Variants in PECAM1 observed in about 807,000 individuals in gnomAD.
PECAM1 encodes the protein platelet and endothelial cell adhesion molecule 1, also known as platelet endothelial cell adhesion molecule.
Under a neutral mutation model 13.8 loss-of-function variants are expected in PECAM1, and 8 were observed. That is an observed-to-expected ratio of 0.58 (90% CI 0.34 to 1.05). The LOEUF (loss-of-function observed/expected upper bound fraction) is 1.05. PECAM1 is among the 50% of genes least tolerant of loss of function. The pLI is 0.03. For synonymous variants in PECAM1, 136 were observed against 52.6 expected (o/e 2.58, Z -6.86); for missense variants, 304 against 141.2 (o/e 2.15, Z -5.84).
Position 64,376,662 on chromosome 17 carries a change from T to C in PECAM1, c.385+1162A>G, listed in dbSNP as rs1020769221. Among the ~76,000 whole-genome samples, 176 of 152,232 alleles carry C rather than the reference T, an allele frequency of 1.2e-3. 1 individual carries two copies. The highest frequency in any genetic ancestry group is 3.9e-3 in the African/African-American group (164 of 41,556). On this transcript the variant is annotated intron_variant, in intron 3 of 15. Transcript: ENST00000563924. ...GAGCAGACAGATGTGTAAGAATGGA[T>C]GGCAATACTGAGTGAAATAGAATAT...
chr17:64,322,066 A>C lies in PECAM1; in HGVS notation c.*1750T>G. On this transcript the variant is annotated 3_prime_UTR_variant, in exon 16 of 16. Coordinates refer to ENST00000563924, the MANE Select transcript of PECAM1 (RefSeq NM_000442.5). ...TTGGGGAAAGGAACCAACAGCTTTC[A>C]TCATATTGTCAAAAGAGTCTAGGCT... 1.7e-6 allele frequency: 2 copies of C among 1,144,278 alleles called. No homozygotes were observed. Among genetic ancestry groups the C allele is most frequent in the Non-Finnish European group, 2.2e-6 (2 of 911,002 alleles). The allele number at this position is 1,144,278 out of a possible 1,614,324, so 70.9% of individuals were successfully genotyped here. A position where few individuals can be genotyped will look rare whatever the true frequency, so the allele number is the denominator to read the frequency against.
intron 4 of PECAM1, among the ~76,000 whole-genome samples, chr17:64,374,793 A>AC (rs1185375402): frequency 1.3e-5 from 2 of 150,700 alleles, no homozygotes; most frequent in Admixed American, 6.6e-5. Context: ...CAAAAAAAAA[A>AC]CCCCAAAAAC....
intron 7 of PECAM1, among the ~76,000 whole-genome samples, chr17:64,358,187 T>C (rs2035890672): frequency 6.9e-6 from 1 of 144,278 alleles, no homozygotes; most frequent in African/African-American, 2.5e-5. Context: ...GGCACGATCT[T>C]GGCTCACTGC....
At chr17:64,353,324 C>T (rs1211387948) in intron 10 of PECAM1, among the ~76,000 whole-genome samples, 167 bp downstream of exon 10, 2 of 151,660 alleles carry the variant, frequency 1.3e-5, no homozygotes, top group Non-Finnish European at 2.9e-5. Flanking sequence ...CACACACACA[C>T]ACACACACAC....
At chr17:64,384,308 A>G (rs2143905547) in intron 2 of PECAM1, among the ~76,000 whole-genome samples, 1 of 152,178 alleles carries the variant, frequency 6.6e-6, no homozygotes, top group South Asian at 2.1e-4. Context: ...CACAAATATC[A>G]TCGACAAAAC....
chr17:64,340,618 G>GA (rs1230289430), intron 14 of PECAM1, among the ~76,000 whole-genome samples: 1 of 151,928 alleles, frequency 6.6e-6, no homozygotes, highest in Non-Finnish European at 1.5e-5. Flanking sequence ...CCCCCCCACC[G>GA]AAAAAAAGGA....
intron 14 of PECAM1, among the ~76,000 whole-genome samples, chr17:64,339,867 T>C (rs2035380095): frequency 6.6e-6 from 1 of 152,144 alleles, no homozygotes; most frequent in Non-Finnish European, 1.5e-5. Flanking sequence ...ACAGTGCTTT[T>C]TGCCTGGCAC....
At position 64,321,293 on chromosome 17, in the gene PECAM1, G is replaced by A. The variant is rs2034806729; in HGVS notation, c.*2523C>T. ...GAAAACTCCTGGAGTGGGTGCTCCT[G>A]GGATGCTTCAGGTTTAGACACCGGG... On this transcript the variant is annotated 3_prime_UTR_variant, in exon 16 of 16. Coordinates refer to ENST00000563924, the MANE Select transcript of PECAM1 (RefSeq NM_000442.5). 3.5e-6 allele frequency: 1 copy of A among 289,696 alleles called. No homozygotes were observed. The highest frequency in any genetic ancestry group is 2.3e-5 in the African/African-American group (1 of 43,896). The allele number at this position is 289,696 out of a possible 1,614,324, so 17.9% of individuals were successfully genotyped here.
intron 12 of PECAM1, among the ~76,000 whole-genome samples, chr17:64,349,933 C>G (rs1400853610): frequency 6.6e-6 from 1 of 152,094 alleles, no homozygotes. Flanking sequence ...TTAACAGAAT[C>G]CTTTCTCTTT....
chr17:64,320,070 CT>C lies in PECAM1; in HGVS notation c.*3745del, dbSNP rs2034790269. ...GCAGGGAAGACTGTCCTCAAATAGC[CT>C]GCTGGGGAGACATCTCCTTCCCGTT... On this transcript the variant is annotated 3_prime_UTR_variant, in exon 16 of 16. Coordinates refer to ENST00000563924, the MANE Select transcript of PECAM1 (RefSeq NM_000442.5). 6.6e-6 allele frequency: 1 copy of C among 152,210 alleles called. No individual in the cohort carries two copies. The highest frequency in any genetic ancestry group is 2.4e-5 in the African/African-American group (1 of 41,452). 9.4% of individuals were successfully genotyped at this position (152,210 alleles called of 1,614,324 possible). A position where few individuals can be genotyped will look rare whatever the true frequency, so the allele number is the denominator to read the frequency against.
intron 2 of PECAM1, among the ~76,000 whole-genome samples, chr17:64,385,013 C>A (rs1193459282): frequency 6.6e-6 from 1 of 152,180 alleles, no homozygotes; most frequent in Non-Finnish European, 1.5e-5. Flanking sequence ...GGGGACACAG[C>A]CCCTGGGAGG....
Position 64,322,869 on chromosome 17 carries a change from C to A in PECAM1, c.*947G>T. On this transcript the variant is annotated 3_prime_UTR_variant, in exon 16 of 16. Coordinates refer to ENST00000563924, the MANE Select transcript of PECAM1 (RefSeq NM_000442.5). ...TAGCTGATACTACAGGCATGCGCCA[C>A]CACGCCCGGCTAATTCTTGTATTTT... The A allele has an allele frequency of 3.1e-6, 1 of 319,086 alleles. No homozygotes were observed. The highest frequency in any genetic ancestry group is 4.5e-6 in the Non-Finnish European group (1 of 220,860). The allele number at this position is 319,086 out of a possible 1,614,324, so 19.8% of individuals were successfully genotyped here.
chr17:64,385,353 A>G (rs1485687576), intron 2 of PECAM1, among the ~76,000 whole-genome samples: 1 of 152,168 alleles, frequency 6.6e-6, no homozygotes, highest in African/African-American at 2.4e-5. Context: ...AACATGCGGC[A>G]CCATCAGTCA....
intron 14 of PECAM1, among the ~76,000 whole-genome samples, chr17:64,335,389 C>A (rs1229977959): frequency 3.3e-5 from 5 of 151,696 alleles, no homozygotes; most frequent in Admixed American, 6.6e-5. Context: ...AGTGACAGAG[C>A]CAGACCCTGT....
At chr17:64,361,966 A>G (rs1476245942) in intron 6 of PECAM1, among the ~76,000 whole-genome samples, 1 of 152,206 alleles carries the variant, frequency 6.6e-6, no homozygotes, top group Admixed American at 6.6e-5. Flanking sequence ...TGGTTAGAGC[A>G]TTAAAAATAG....
chr17:64,343,904 G>T lies in PECAM1; in HGVS notation c.2108-2214C>A, dbSNP rs955614262. ...CAAGACACCCTCTGCTTGATGTCAGGCCTGGCCAAATCACTCACTCAGCAG... is the reference window on the plus strand; with the variant it reads ...CAAGACACCCTCTGCTTGATGTCAGTCCTGGCCAAATCACTCACTCAGCAG... On this transcript the variant is annotated intron_variant, in intron 13 of 15. Transcript: ENST00000563924. 3.3e-5 allele frequency among the ~76,000 whole-genome samples: 5 copies of T among 152,116 alleles called. No homozygotes were observed. In the East Asian group the frequency reaches 9.7e-4, roughly 29 times the overall value.
At position 64,352,447 on chromosome 17, in the gene PECAM1, G is replaced by C; in HGVS notation, c.1933C>G (p.Leu645Val). The C allele has an allele frequency of 2.1e-6, 1 of 475,152 alleles. No homozygotes were observed. Among genetic ancestry groups the C allele is most frequent in the Non-Finnish European group, 3.9e-6 (1 of 258,992 alleles). 29.4% of individuals were successfully genotyped at this position (475,152 alleles called of 1,614,324 possible). A position where few individuals can be genotyped will look rare whatever the true frequency, so the allele number is the denominator to read the frequency against. The change falls in exon 11 of 16, where the codon CTG becomes GTG. Residue 645 changes from leucine (L) to valine (V), a missense_variant. Transcript: ENST00000563924. ...VEMSRPAVPL[L>V]NSNNEKMSDP... ...GACATTTTCTCGTTGTTGGAGTTCA[G>C]AAGTGGTACTGCTGGCCTTAAAATG...
At position 64,381,597 on chromosome 17, in the gene PECAM1, C is replaced by T. The variant is rs1486130297; in HGVS notation, c.92-3480G>A. On this transcript the variant is annotated intron_variant, in intron 2 of 15. Coordinates refer to ENST00000563924, the MANE Select transcript of PECAM1 (RefSeq NM_000442.5). ...ATTTTAAAACGAGTACTACAATTTGCGCCTGCTGCTATATTCTGAGCAATT... is the reference window on the plus strand; with the variant it reads ...ATTTTAAAACGAGTACTACAATTTGTGCCTGCTGCTATATTCTGAGCAATT... Among the ~76,000 whole-genome samples, 4 of 152,072 alleles carry T rather than the reference C, an allele frequency of 2.6e-5. No homozygotes were observed. The East Asian group carries it at 7.7e-4, about 29-fold the overall frequency.
At chr17:64,325,782 AG>A (rs2034939456) in intron 15 of PECAM1, among the ~76,000 whole-genome samples, 1 of 152,210 alleles carries the variant, frequency 6.6e-6, no homozygotes, top group Non-Finnish European at 1.5e-5. Context: ...CACCCACAAA[AG>A]GATTCCTGGA....
Sources: allele counts gnomAD v4.1 joint callset (sites outside exome capture counted in the v4.1 genomes callset), GRCh38; gene constraint gnomAD v4.1.1; transcripts MANE v1.5; gene names NCBI Gene and HGNC (gene_info 2026-07-23, HGNC 2026-07-21).